Variants in XYLB observed in about 807,000 individuals in gnomAD.
XYLB encodes xylulose kinase.
Under a neutral mutation model 78.7 loss-of-function variants are expected in XYLB, and 62 were observed. The ratio of observed to expected loss-of-function variants is 0.79; its 90% CI spans 0.64 to 0.97. XYLB has a LOEUF of 0.97. Ranked by LOEUF, XYLB falls within the 50% of genes least tolerant of loss-of-function variation. The pLI is 0.00. For missense variants in XYLB, 687 were observed against 676.8 expected (o/e 1.02, Z -0.17); for synonymous variants, 245 against 247.4 (o/e 0.99, Z 0.09).
At chr3:38,422,928 G>GAACCTATACCT (rs1709024317), downstream of XYLB, among the ~76,000 whole-genome samples, 1 of 152,126 alleles carries the variant, frequency 6.6e-6, no homozygotes, top group Admixed American at 6.5e-5. Flanking sequence ...CTTTAAAATG[G>GAACCTATACCT]TTAACAAGTA....
chr3:38,350,692 G>A (rs971880081), intron 2 of XYLB, among the ~76,000 whole-genome samples: 8 of 151,982 alleles, frequency 5.3e-5, no homozygotes, highest in African/African-American at 1.9e-4. Context: ...TCTAATATAT[G>A]CATTTAATGC....
At chr3:38,372,766 G>A (rs762960510) in intron 10 of XYLB, 30 bp downstream of exon 10, 4 of 1,609,142 alleles carry the variant, frequency 2.5e-6, no homozygotes, top group South Asian at 2.2e-5. Context: ...TCACTCTCCA[G>A]TGAGCCTGAC....
chr3:38,375,100 G>A, intron 11 of XYLB, 44 bp from the exon 12 acceptor site: 1 of 1,531,038 alleles, frequency 6.5e-7, no homozygotes, highest in Non-Finnish European at 9.0e-7. Context: ...GGCAGCGTGT[G>A]TGGGCAAAGC....
At chr3:38,425,420 AT>A (rs1709080590), downstream of XYLB, among the ~76,000 whole-genome samples, 1 of 152,250 alleles carries the variant, frequency 6.6e-6, no homozygotes, top group Non-Finnish European at 1.5e-5. Flanking sequence ...TAAAACAACA[AT>A]TACAAAAGCA....
At chr3:38,419,397 G>A (rs189279101), downstream of XYLB, among the ~76,000 whole-genome samples, 358 of 151,288 alleles carry the variant, frequency 2.4e-3, 1 homozygote, top group Middle Eastern at 0.017. Flanking sequence ...ATCTGAGTCC[G>A]TGCTTTCAAT....
rs1559587247 is a variant in XYLB, at chr3:38,370,242, A to ACACACACACGCG, written c.765+77_765+78insGCGCACACACAC. 3 of 713,612 alleles carry ACACACACACGCG rather than the reference A, an allele frequency of 4.2e-6. No individual in the cohort carries two copies. The East Asian group carries it at 8.4e-5, about 20-fold the overall frequency. The allele number at this position is 713,612 out of a possible 1,614,324, so 44.2% of individuals were successfully genotyped here. Reference sequence around the variant, plus strand: ...AGCTACCAGGGAAGCACTGTAGCGCACACACACACACACACACACACACAC... The same window carrying ACACACACACGCG: ...AGCTACCAGGGAAGCACTGTAGCGCACACACACACGCGCACACACACACACACACACACACAC... On this transcript the variant is annotated intron_variant, in intron 9 of 18. Coordinates refer to ENST00000207870, the MANE Select transcript of XYLB (RefSeq NM_005108.4).
intron 15 of XYLB, among the ~76,000 whole-genome samples, chr3:38,389,281 G>A (rs375523915): frequency 8.9e-5 from 13 of 146,080 alleles, no homozygotes; most frequent in Non-Finnish European, 3.0e-5. Context: ...AGATCAACAG[G>A]ATCCCAAGGC....
At chr3:38,412,116 G>C (rs574092535) in intron 18 of XYLB, among the ~76,000 whole-genome samples, 3 of 151,752 alleles carry the variant, frequency 2.0e-5, no homozygotes, top group East Asian at 3.9e-4. Flanking sequence ...TCAGCCTCTC[G>C]AGTAGTTGGG....
intron 7 of XYLB, among the ~76,000 whole-genome samples, chr3:38,367,113 G>A (rs947929948): frequency 5.9e-5 from 9 of 152,216 alleles, no homozygotes; most frequent in African/African-American, 1.9e-4. Flanking sequence ...GAGGGTCCAG[G>A]TGGGAGCACT....
chr3:38,393,962 T>TC (rs1180304788), intron 15 of XYLB, among the ~76,000 whole-genome samples: 1 of 152,182 alleles, frequency 6.6e-6, no homozygotes, highest in Non-Finnish European at 1.5e-5. Flanking sequence ...ATAGCAATTA[T>TC]CCCCTCCTTG....
At chr3:38,446,732 C>T in the XYLB span, among the ~76,000 whole-genome samples, 3 of 152,132 alleles carry the variant, frequency 2.0e-5, no homozygotes, top group Admixed American at 6.6e-5. Context: ...AAGAATGAAA[C>T]CAGACCCCTA....
intron 2 of XYLB, among the ~76,000 whole-genome samples, chr3:38,351,150 C>T (rs1427183430): frequency 1.3e-5 from 1 of 78,030 alleles, no homozygotes; most frequent in Admixed American, 2.1e-4. Flanking sequence ...CCAGCCTGGA[C>T]AACAGAGGGA....
At chr3:38,392,252 G>T (rs971592562) in intron 15 of XYLB, among the ~76,000 whole-genome samples, 1 of 152,148 alleles carries the variant, frequency 6.6e-6, no homozygotes. Flanking sequence ...GTGCAAACTG[G>T]TATCTCAGTG....
the XYLB span, among the ~76,000 whole-genome samples, chr3:38,440,009 C>T: frequency 6.6e-6 from 1 of 152,112 alleles, no homozygotes; most frequent in Non-Finnish European, 1.5e-5. Flanking sequence ...TTCTTGTAAA[C>T]TGTCTGAGAA....
intron 2 of XYLB, among the ~76,000 whole-genome samples, chr3:38,350,932 C>T (rs2844435): frequency 0.86 from 130,467 of 151,682 alleles, 57,045 homozygotes; most frequent in East Asian, 1. Flanking sequence ...ACTTAAGGTC[C>T]GGAGTTTGAG....
At chr3:38,372,411 T>C in intron 9 of XYLB, 1 of 985,250 alleles carries the variant, frequency 1.0e-6, no homozygotes, top group Non-Finnish European at 1.2e-6. Context: ...AGATCAGCAG[T>C]TTTTGAAATG....
chr3:38,441,927 G>T, the XYLB span, among the ~76,000 whole-genome samples: 40 of 152,262 alleles, frequency 2.6e-4, no homozygotes, highest in East Asian at 7.1e-3. Context: ...AAGGCTTAAG[G>T]CTGGAGCTTG....
chr3:38,451,229 TTTCAGTTCTTTTGATACTTTTTATGGC>T, the XYLB span: 5 of 152,126 alleles, frequency 3.3e-5, no homozygotes, highest in East Asian at 9.6e-4. Context: ...AGTGATCTGG[TTTCAGTTCTTTTGATACTTTTTATGGC>T]TTCAGTTCTT....
intron 9 of XYLB, among the ~76,000 whole-genome samples, chr3:38,371,003 C>G (rs1467490065): frequency 6.6e-6 from 1 of 152,174 alleles, no homozygotes; most frequent in Non-Finnish European, 1.5e-5. Flanking sequence ...GAAGAAGGGA[C>G]AAGGGCACCC....
Sources: allele counts gnomAD v4.1 joint callset (sites outside exome capture counted in the v4.1 genomes callset), GRCh38; gene constraint gnomAD v4.1.1; transcripts MANE v1.5; gene names NCBI Gene and HGNC (gene_info 2026-07-23, HGNC 2026-07-21).